The following FAM78B variants were observed in gnomAD, a reference collection of about 807,000 sequenced individuals.
FAM78B encodes the protein protein FAM78B.
In FAM78B, 10 loss-of-function variants were observed where a neutral mutation model predicts 20.0. That is an observed-to-expected ratio of 0.50 (90% CI 0.31 to 0.85). FAM78B has a LOEUF of 0.85. FAM78B is among the 40% of genes least tolerant of loss of function. The pLI is 0.05. For synonymous variants in FAM78B, 135 were observed against 132.8 expected (o/e 1.02, Z -0.12); for missense variants, 283 against 345.0 (o/e 0.82, Z 1.42).
At chr1:166,092,467 G>A (rs1055302280) in intron 1 of FAM78B, among the ~76,000 whole-genome samples, 2 of 152,162 alleles carry the variant, frequency 1.3e-5, no homozygotes, top group African/African-American at 4.8e-5. Flanking sequence ...GTCCTACCCT[G>A]CCTCTTCTCT....
At chr1:166,077,211 T>C (rs1652309506) in intron 1 of FAM78B, among the ~76,000 whole-genome samples, 1 of 152,162 alleles carries the variant, frequency 6.6e-6, no homozygotes, top group African/African-American at 2.4e-5. Flanking sequence ...AGAAGAGAGA[T>C]GAAGTAGAGA....
intron 1 of FAM78B, among the ~76,000 whole-genome samples, chr1:166,073,205 A>G (rs1652118138): frequency 6.6e-6 from 1 of 152,202 alleles, no homozygotes; most frequent in Admixed American, 6.5e-5. Context: ...ATCTGGCCAC[A>G]TGTAGTCATT....
At chr1:166,106,299 T>C (rs1226657772) in intron 1 of FAM78B, among the ~76,000 whole-genome samples, 3 of 151,266 alleles carry the variant, frequency 2.0e-5, no homozygotes, top group African/African-American at 4.9e-5. Context: ...GGCACATGTA[T>C]ACATATGTAA....
chr1:166,117,006 A>C (rs1273635581), intron 1 of FAM78B, among the ~76,000 whole-genome samples: 1 of 152,214 alleles, frequency 6.6e-6, no homozygotes, highest in Non-Finnish European at 1.5e-5. Context: ...CTTTTAAAGT[A>C]ATAAATGAAA....
In FAM78B at chr1:166,069,891, A is replaced by G; in HGVS notation, c.*350T>C. Reference sequence around the variant, plus strand: ...TTGGCTGGGAAGCAGCATTTGCCACAGGCACTGTTTAATTTCGTTTCCATC... The same window carrying G: ...TTGGCTGGGAAGCAGCATTTGCCACGGGCACTGTTTAATTTCGTTTCCATC... On this transcript the variant is annotated 3_prime_UTR_variant, in exon 2 of 2. Transcript: ENST00000354422. The G allele has an allele frequency of 1.3e-6, 1 of 777,840 alleles. No homozygotes were observed. The highest frequency in any genetic ancestry group is 5.9e-5 in the South Asian group (1 of 16,992). The allele number at this position is 777,840 out of a possible 1,614,324, so 48.2% of individuals were successfully genotyped here. A position where few individuals can be genotyped will look rare whatever the true frequency, so the allele number is the denominator to read the frequency against.
chr1:166,137,032 T>C (rs756784360), intron 1 of FAM78B, among the ~76,000 whole-genome samples: 115 of 152,216 alleles, frequency 7.6e-4, no homozygotes, highest in Non-Finnish European at 1.3e-3. Flanking sequence ...TAGATCTTAT[T>C]TTAGTCCTTT....
chr1:166,088,910 T>A (rs1443578869), intron 1 of FAM78B, among the ~76,000 whole-genome samples: 1 of 152,086 alleles, frequency 6.6e-6, no homozygotes, highest in African/African-American at 2.4e-5. Context: ...CAGTCCTGCA[T>A]CCTCTGGCCT....
chr1:166,143,974 T>C (rs1655368287), intron 1 of FAM78B, among the ~76,000 whole-genome samples: 1 of 152,046 alleles, frequency 6.6e-6, no homozygotes, highest in African/African-American at 2.4e-5. Flanking sequence ...GAAGGACAGA[T>C]AGATGAGATA....
chr1:166,153,482 G>A (rs970168821), intron 1 of FAM78B, among the ~76,000 whole-genome samples: 1 of 152,202 alleles, frequency 6.6e-6, no homozygotes, highest in South Asian at 2.1e-4. Flanking sequence ...AGGGCCAATC[G>A]ATCAGACAGG....
At chr1:166,060,671 T>C in intron 2 of FAM78B, 1 of 1,285,442 alleles carries the variant, frequency 7.8e-7, no homozygotes, top group Non-Finnish European at 1.0e-6. Flanking sequence ...GACCTGTATG[T>C]GGACATGGAA....
At chr1:166,071,803 C>T (rs1652042232) in intron 1 of FAM78B, among the ~76,000 whole-genome samples, 1 of 152,168 alleles carries the variant, frequency 6.6e-6, no homozygotes, top group African/African-American at 2.4e-5. Context: ...GTTTTGGCCA[C>T]TGTATCATAC....
intron 1 of FAM78B, among the ~76,000 whole-genome samples, chr1:166,138,127 A>G (rs942073421): frequency 2.0e-5 from 3 of 152,272 alleles, no homozygotes; most frequent in African/African-American, 7.2e-5. Context: ...ACCTTTACAG[A>G]AAGAGGATGA....
At chr1:166,143,380 G>A (rs1052543186) in intron 1 of FAM78B, among the ~76,000 whole-genome samples, 1 of 152,008 alleles carries the variant, frequency 6.6e-6, no homozygotes, top group African/African-American at 2.4e-5. Context: ...GCCATGTGGT[G>A]TAGCTCTGCC....
At chr1:166,147,637 A>ATT (rs113931005) in intron 1 of FAM78B, 5,209 of 147,914 alleles carry the variant, frequency 0.035, 268 homozygotes, top group Admixed American at 0.13. Context: ...AAACACCATG[A>ATT]TTTTTTTTTT....
At chr1:166,091,929 C>A (rs1653090012) in intron 1 of FAM78B, among the ~76,000 whole-genome samples, 1 of 152,088 alleles carries the variant, frequency 6.6e-6, no homozygotes, top group Admixed American at 6.6e-5. Flanking sequence ...AACCTACATC[C>A]ACATTCTGTT....
intron 1 of FAM78B, among the ~76,000 whole-genome samples, chr1:166,109,814 G>GTGTGTATATA (rs1553219345): frequency 3.1e-5 from 1 of 32,648 alleles, no homozygotes; most frequent in African/African-American, 9.8e-5. Flanking sequence ...ATGTATATAT[G>GTGTGTATATA]TATATATATA....
At position 166,151,807 on chromosome 1, in the gene FAM78B, T is replaced by C. The variant is rs146723279; in HGVS notation, c.263+14179A>G. Among the ~76,000 whole-genome samples the C allele has an allele frequency of 1.7e-4, 26 of 152,318 alleles. 1 individual carries two copies. Among genetic ancestry groups the C allele is most frequent in the South Asian group, 6.2e-4 (3 of 4,828 alleles). ...GATCCCAAGGTTCAAGTTCAACAGATAGGGTTTCCGCAAAAACTTTATCAT... is the reference window on the plus strand; with the variant it reads ...GATCCCAAGGTTCAAGTTCAACAGACAGGGTTTCCGCAAAAACTTTATCAT... On this transcript the variant is annotated intron_variant, in intron 1 of 1. Coordinates refer to ENST00000354422, the MANE Select transcript of FAM78B (RefSeq NM_001017961.5).
At chr1:166,087,823 G>A (rs1003492132) in intron 1 of FAM78B, among the ~76,000 whole-genome samples, 3 of 152,158 alleles carry the variant, frequency 2.0e-5, no homozygotes, top group Non-Finnish European at 1.5e-5. Context: ...ACAGTATGTG[G>A]GCAGGGGGTG....
At chr1:166,103,785 C>A (rs530430926) in intron 1 of FAM78B, among the ~76,000 whole-genome samples, 1 of 152,322 alleles carries the variant, frequency 6.6e-6, no homozygotes, top group East Asian at 1.9e-4. Flanking sequence ...CAAGGAGGAA[C>A]TGGTACCATT....
Sources: allele counts gnomAD v4.1 joint callset (sites outside exome capture counted in the v4.1 genomes callset), GRCh38; gene constraint gnomAD v4.1.1; transcripts MANE v1.5; gene names NCBI Gene and HGNC (gene_info 2026-07-23, HGNC 2026-07-21).